MTMR6: variants seen among roughly 807,000 people sequenced by gnomAD.
MTMR6 encodes phosphatidylinositol-3,5-bisphosphate 3-phosphatase MTMR6.
MTMR6 carries 47 observed loss-of-function variants against 80.1 expected under a neutral mutation model. The observed-to-expected ratio is 0.59, with a 90% CI of 0.46 to 0.75. The LOEUF is 0.75. Ranked by LOEUF, MTMR6 falls within the 30% of genes least tolerant of loss-of-function variation. MTMR6 has a pLI of 0.00. For synonymous variants in MTMR6, 254 were observed against 253.0 expected (o/e 1.00, Z -0.04); for missense variants, 629 against 730.9 (o/e 0.86, Z 1.61).
At chr13:25,258,719 G>C in intron 6 of MTMR6, 27 bp from the exon 7 acceptor site, 1 of 1,497,134 alleles carries the variant, frequency 6.7e-7, no homozygotes. Flanking sequence ...TAGAAATTTA[G>C]AGACAAATTA....
intron 1 of MTMR6, among the ~76,000 whole-genome samples, chr13:25,282,371 A>G (rs1433674273): frequency 2.0e-5 from 3 of 152,192 alleles, no homozygotes; most frequent in Non-Finnish European, 4.4e-5. Flanking sequence ...AATACATTGA[A>G]CTTAATTTTG....
At chr13:25,266,318 C>A (rs748911968) in intron 3 of MTMR6, 32 bp from the exon 4 acceptor site, 1 of 1,553,450 alleles carries the variant, frequency 6.4e-7, no homozygotes, top group Admixed American at 1.7e-5. Flanking sequence ...ATGTTAAGTG[C>A]AATTTATAAG....
rs1175605272 is a variant in MTMR6 at position 25,274,086 on chromosome 13, A to G, written c.126T>C (p.His42=). The part of the protein sequence containing the change: ...TATHLLFIDS[H]QKETWILHHH... ...TCCTCCTTACCCAGGTTTCTTTTTGATGAGAGTCGATAAATAATAGATGTG... is the reference window on the plus strand; with the variant it reads ...TCCTCCTTACCCAGGTTTCTTTTTGGTGAGAGTCGATAAATAATAGATGTG... The change falls in exon 2 of 14, where the codon CAT becomes CAC. Residue 42 remains histidine (H), a synonymous_variant. Coordinates refer to ENST00000381801, the MANE Select transcript of MTMR6 (RefSeq NM_004685.5). The G allele has an allele frequency of 1.2e-6, 2 of 1,602,022 alleles. No homozygotes were observed. The highest frequency in any genetic ancestry group is 2.2e-5 in the South Asian group (2 of 89,860).
At position 25,247,868 on chromosome 13, in the gene MTMR6, C is replaced by G. The variant is rs1052425139; in HGVS notation, c.*1364G>C. The G allele has an allele frequency of 6.6e-6, 1 of 152,032 alleles. No individual in the cohort carries two copies. The highest frequency in any genetic ancestry group is 1.5e-5 in the Non-Finnish European group (1 of 67,964). The allele number at this position is 152,032 out of a possible 1,614,324, so 9.4% of individuals were successfully genotyped here. ...AACACTATGCAAATTGCCTAATACT[C>G]GAATTGTACTTCATGCCACCATGTT... On this transcript the variant is annotated 3_prime_UTR_variant, in exon 14 of 14. Coordinates refer to ENST00000381801, the MANE Select transcript of MTMR6 (RefSeq NM_004685.5).
intron 2 of MTMR6, among the ~76,000 whole-genome samples, chr13:25,269,814 A>C (rs1211916825): frequency 3.9e-5 from 6 of 152,062 alleles, no homozygotes; most frequent in Non-Finnish European, 8.8e-5. Flanking sequence ...GAGAACAAAT[A>C]ATTAACACAC....
intron 1 of MTMR6, among the ~76,000 whole-genome samples, chr13:25,283,521 A>G (rs1431713107): frequency 3.3e-5 from 5 of 152,234 alleles, no homozygotes; most frequent in Admixed American, 1.3e-4. Flanking sequence ...GAGGGAAGGT[A>G]TATTTGTATA....
Position 25,285,388 on chromosome 13 carries a change from C to CG in MTMR6, c.24+1835dup, listed in dbSNP as rs1227915129. Among the ~76,000 whole-genome samples the CG allele has an allele frequency of 4.3e-3, 393 of 91,734 alleles. 8 individuals are homozygous for CG. The highest frequency in any genetic ancestry group is 0.012 in the African/African-American group (359 of 29,036). 60.2% of individuals were successfully genotyped at this position (91,734 alleles called of 152,430 possible). The stretch of plus-strand genomic sequence containing the variant: ...CTTTTACTGATTTTTTATTCTTTTC[C>CG]GCCCCCCCCCCCCCAATTATGTCAC... On this transcript the variant is annotated intron_variant, in intron 1 of 13. Coordinates refer to ENST00000381801, the MANE Select transcript of MTMR6 (RefSeq NM_004685.5).
chr13:25,253,414 C>T (rs780036032), intron 11 of MTMR6, among the ~76,000 whole-genome samples: 1 of 152,006 alleles, frequency 6.6e-6, no homozygotes, highest in Non-Finnish European at 1.5e-5. Context: ...AAATGCAGAC[C>T]GAAAAGAAGC....
chr13:25,286,797 A>G (rs1209593619), intron 1 of MTMR6, among the ~76,000 whole-genome samples: 2 of 152,194 alleles, frequency 1.3e-5, no homozygotes, highest in African/African-American at 4.8e-5. Flanking sequence ...TGAATCTGTG[A>G]CACGGGACAA....
In MTMR6 at chr13:25,247,228, C is replaced by T. The variant is rs1956997475; in HGVS notation, c.*2004G>A. On this transcript the variant is annotated 3_prime_UTR_variant, in exon 14 of 14. Transcript: ENST00000381801. ...GGTGAGAAGAAAAAAAAAACAACTA[C>T]AACTTGATTCCATTTGTTTTATCCA... 1 of 152,428 alleles carries T rather than the reference C, an allele frequency of 6.6e-6. No homozygotes were observed. The highest frequency in any genetic ancestry group is 1.9e-4 in the East Asian group (1 of 5,184). 9.4% of individuals were successfully genotyped at this position (152,428 alleles called of 1,614,324 possible). A position where few individuals can be genotyped will look rare whatever the true frequency, so the allele number is the denominator to read the frequency against.
chr13:25,250,886 G>A lies in MTMR6; in HGVS notation c.1605+763C>T, dbSNP rs553681033. ...CATACAAACATTATAGATAGTCTTTGGTATTTTTTCAATACACAGTAAAAA... is the reference window on the plus strand; with the variant it reads ...CATACAAACATTATAGATAGTCTTTAGTATTTTTTCAATACACAGTAAAAA... On this transcript the variant is annotated intron_variant, in intron 13 of 13. Coordinates refer to ENST00000381801, the MANE Select transcript of MTMR6 (RefSeq NM_004685.5). Among the ~76,000 whole-genome samples the A allele has an allele frequency of 3.2e-4, 48 of 152,086 alleles. 1 individual carries two copies. The highest frequency in any genetic ancestry group is 1.1e-3 in the African/African-American group (47 of 41,488).
At chr13:25,269,146 G>A (rs1030549094) in intron 2 of MTMR6, among the ~76,000 whole-genome samples, 1 of 152,136 alleles carries the variant, frequency 6.6e-6, no homozygotes, top group African/African-American at 2.4e-5. Flanking sequence ...GAGGACCTTG[G>A]GGGTGGCATG....
At chr13:25,274,285 C>A in intron 1 of MTMR6, 98 bp from the exon 2 acceptor site, 1 of 677,668 alleles carries the variant, frequency 1.5e-6, no homozygotes, top group East Asian at 2.8e-5. Context: ...ATTTTTTCTT[C>A]CTCCTAAAAT....
chr13:25,250,821 G>C (rs954841578), intron 13 of MTMR6, among the ~76,000 whole-genome samples: 1 of 151,934 alleles, frequency 6.6e-6, no homozygotes, highest in Non-Finnish European at 1.5e-5. Flanking sequence ...CAGAGTGAAG[G>C]GTATATTGGC....
At position 25,287,481 on chromosome 13, in the gene MTMR6, G is replaced by A. The variant is rs1483992380; in HGVS notation, c.-234C>T. The A allele has an allele frequency of 6.9e-6, 4 of 582,474 alleles. No homozygotes were observed. The highest frequency in any genetic ancestry group is 1.2e-5 in the Non-Finnish European group (4 of 324,416). The allele number at this position is 582,474 out of a possible 1,614,324, so 36.1% of individuals were successfully genotyped here. A position where few individuals can be genotyped will look rare whatever the true frequency, so the allele number is the denominator to read the frequency against. On this transcript the variant is annotated 5_prime_UTR_variant, in exon 1 of 14. Coordinates refer to ENST00000381801, the MANE Select transcript of MTMR6 (RefSeq NM_004685.5). ...GGGGGACTCGGGGCAGGCAGACAGAGCGTGTGTGGACCGAGAGCGGCTTGC... is the reference window on the plus strand; with the variant it reads ...GGGGGACTCGGGGCAGGCAGACAGAACGTGTGTGGACCGAGAGCGGCTTGC...
chr13:25,260,691 T>A, intron 6 of MTMR6: 1 of 1,251,018 alleles, frequency 8.0e-7, no homozygotes, highest in Non-Finnish European at 1.0e-6. Context: ...TGCGACGCTA[T>A]AACAAAAATT....
Position 25,249,056 on chromosome 13 carries a change from C to A in MTMR6, c.*176G>T. The A allele has an allele frequency of 1.6e-6, 1 of 631,322 alleles. No individual in the cohort carries two copies. The highest frequency in any genetic ancestry group is 2.6e-6 in the Non-Finnish European group (1 of 379,560). The allele number at this position is 631,322 out of a possible 1,614,324, so 39.1% of individuals were successfully genotyped here. The stretch of plus-strand genomic sequence containing the variant: ...TGAATGTCATTCCTTGCTGGAAATG[C>A]AATTAAAATGACTTATTTCTCTCAC... On this transcript the variant is annotated 3_prime_UTR_variant, in exon 14 of 14. Coordinates refer to ENST00000381801, the MANE Select transcript of MTMR6 (RefSeq NM_004685.5).
intron 2 of MTMR6, among the ~76,000 whole-genome samples, chr13:25,269,795 A>G (rs1957531761): frequency 6.6e-6 from 1 of 152,104 alleles, no homozygotes; most frequent in Non-Finnish European, 1.5e-5. Flanking sequence ...TGGAAATTAA[A>G]ACTACATAGA....
intron 6 of MTMR6, 69 bp from the exon 7 acceptor site, chr13:25,258,761 A>G: frequency 7.4e-7 from 1 of 1,354,286 alleles, no homozygotes; most frequent in Non-Finnish European, 9.7e-7. Context: ...TCATGAAAAT[A>G]TTAAATAAGC....
Sources: gnomAD v4.1 joint callset for allele counts (sites outside exome capture counted in the v4.1 genomes callset) on GRCh38, gnomAD v4.1.1 for gene constraint, MANE v1.5 for transcripts, NCBI Gene and HGNC (gene_info 2026-07-23, HGNC 2026-07-21) for gene names.